EXOC6B: variants seen among roughly 807,000 people sequenced by gnomAD.
The protein encoded by EXOC6B is exocyst complex component 6B.
EXOC6B carries 54 observed loss-of-function variants against 113.5 expected under a neutral mutation model. The observed-to-expected ratio is 0.48, with a 90% CI of 0.38 to 0.60. EXOC6B has a LOEUF of 0.60. Among genes scored for constraint, EXOC6B ranks in the 20% least tolerant of loss-of-function variants. The pLI is 0.00. For synonymous variants in EXOC6B, 357 were observed against 339.0 expected (o/e 1.05, Z -0.58); for missense variants, 797 against 977.5 (o/e 0.82, Z 2.46).
chr2:72,568,511 T>C (rs1327524430), intron 7 of EXOC6B, among the ~76,000 whole-genome samples: 1 of 151,822 alleles, frequency 6.6e-6, no homozygotes, highest in African/African-American at 2.4e-5. Flanking sequence ...TGGCTCAGTT[T>C]TGGGAGAGAA....
rs772057696 is a variant in EXOC6B at position 72,825,936 on chromosome 2, C to G, written c.-26G>C. On this transcript the variant is annotated 5_prime_UTR_variant, in exon 1 of 22. Transcript: ENST00000272427. The surrounding 1 kb of genome is among the most constrained non-coding windows in gnomAD (Gnocchi z 4.4). Reference sequence around the variant, plus strand: ...AGACTGGGGGCGCCCCGCAGCGCGTCCCCTCCGTCGGCTCGGCTCACCTTT... The same window carrying G: ...AGACTGGGGGCGCCCCGCAGCGCGTGCCCTCCGTCGGCTCGGCTCACCTTT... 6.2e-7 allele frequency: 1 copy of G among 1,609,220 alleles called. No individual in the cohort carries two copies. Among genetic ancestry groups the G allele is most frequent in the Non-Finnish European group, 8.5e-7 (1 of 1,178,966 alleles).
intron 19 of EXOC6B, among the ~76,000 whole-genome samples, chr2:72,341,232 A>G (rs1689016750): frequency 6.6e-6 from 1 of 152,182 alleles, no homozygotes; most frequent in Non-Finnish European, 1.5e-5. Flanking sequence ...CATTGTGCCT[A>G]TAATGAACAA....
At chr2:72,757,269 A>T (rs1004928395) in intron 1 of EXOC6B, among the ~76,000 whole-genome samples, 3 of 152,236 alleles carry the variant, frequency 2.0e-5, no homozygotes, top group Non-Finnish European at 4.4e-5. Context: ...GTGGCGGTTA[A>T]CAATAACAAA....
chr2:72,317,559 T>TCACACACACACACACACACACA (rs72124979), intron 20 of EXOC6B, among the ~76,000 whole-genome samples: 17 of 140,686 alleles, frequency 1.2e-4, no homozygotes, highest in African/African-American at 4.3e-4. Context: ...TATGAACACA[T>TCACACACACACACACACACACA]CACACACACA....
intron 20 of EXOC6B, among the ~76,000 whole-genome samples, chr2:72,267,860 G>T (rs1295859114): frequency 1.3e-5 from 2 of 152,128 alleles, no homozygotes; most frequent in Non-Finnish European, 2.9e-5. Context: ...AATCTCATAT[G>T]CATCAAGACA....
At position 72,707,510 on chromosome 2, in the gene EXOC6B, T is replaced by A. The variant is rs574856564; in HGVS notation, c.669+10593A>T. 6.3e-4 allele frequency among the ~76,000 whole-genome samples: 95 copies of A among 151,586 alleles called. 2 individuals are homozygous for A. Among genetic ancestry groups the A allele is most frequent in the African/African-American group, 2.3e-3 (94 of 41,240 alleles). The stretch of plus-strand genomic sequence containing the variant: ...CTCACTGCAACCTCCGCCTCCCAGG[T>A]TCAAGCGATTCTCCTGCCTCAGCCT... On this transcript the variant is annotated intron_variant, in intron 6 of 21. Coordinates refer to ENST00000272427, the MANE Select transcript of EXOC6B (RefSeq NM_015189.3).
intron 18 of EXOC6B, among the ~76,000 whole-genome samples, chr2:72,416,242 C>A (rs757589583): frequency 2.0e-5 from 3 of 152,196 alleles, no homozygotes; most frequent in African/African-American, 7.2e-5. Context: ...AGAATTCTCT[C>A]ATCAAGAGAG....
chr2:72,589,394 A>G (rs986657793), intron 6 of EXOC6B, among the ~76,000 whole-genome samples: 2 of 151,992 alleles, frequency 1.3e-5, no homozygotes, highest in Non-Finnish European at 2.9e-5. Flanking sequence ...GGAAAAATTA[A>G]TTTATTTCAT....
intron 6 of EXOC6B, among the ~76,000 whole-genome samples, chr2:72,671,530 A>G (rs1024782534): frequency 6.6e-6 from 1 of 151,904 alleles, no homozygotes; most frequent in Non-Finnish European, 1.5e-5. Context: ...CCCCGTCTCT[A>G]CTAAAAAAAA....
chr2:72,452,517 G>A (rs1696978465), intron 18 of EXOC6B, among the ~76,000 whole-genome samples: 1 of 152,098 alleles, frequency 6.6e-6, no homozygotes, highest in Non-Finnish European at 1.5e-5. Flanking sequence ...GTGGGAAAAA[G>A]GGTGAACAGT....
rs75076852 is a variant in EXOC6B, at chr2:72,501,427, G to A, written c.1168-1455C>T. ...AGGTCCTCACCAGAAGCAGATGCTG[G>A]CACTATACTTCATGTACAGCCTGCA... On this transcript the variant is annotated intron_variant, in intron 11 of 21. Coordinates refer to ENST00000272427, the MANE Select transcript of EXOC6B (RefSeq NM_015189.3). Among the ~76,000 whole-genome samples, 190 of 152,148 alleles carry A rather than the reference G, an allele frequency of 1.2e-3. 1 individual carries two copies. Among genetic ancestry groups the A allele is most frequent in the African/African-American group, 4.4e-3 (184 of 41,508 alleles).
intron 19 of EXOC6B, among the ~76,000 whole-genome samples, chr2:72,365,748 A>T (rs899226486): frequency 2.0e-5 from 3 of 152,164 alleles, no homozygotes; most frequent in African/African-American, 4.8e-5. Context: ...AACCATTAGA[A>T]ATGAAAAGGA....
chr2:72,816,067 G>A (rs1686222941), intron 1 of EXOC6B, among the ~76,000 whole-genome samples: 1 of 152,212 alleles, frequency 6.6e-6, no homozygotes, highest in African/African-American at 2.4e-5. Flanking sequence ...GGTGAGGCAG[G>A]AGAATCGCTT....
In EXOC6B at chr2:72,405,878, A is replaced by G. The variant is rs1396094156; in HGVS notation, c.1981-26008T>C. Among the ~76,000 whole-genome samples, 7 of 152,230 alleles carry G rather than the reference A, an allele frequency of 4.6e-5. No individual in the cohort carries two copies. The East Asian group carries it at 1.3e-3, about 29-fold the overall frequency. On this transcript the variant is annotated intron_variant, in intron 18 of 21. Coordinates refer to ENST00000272427, the MANE Select transcript of EXOC6B (RefSeq NM_015189.3). ...TATTAACCTTAAATGTAAATGGGCT[A>G]AATGCTCCAATTAAAAGACACAGAC...
chr2:72,556,893 A>G (rs537348804), intron 8 of EXOC6B, among the ~76,000 whole-genome samples: 1 of 152,150 alleles, frequency 6.6e-6, no homozygotes, highest in South Asian at 2.1e-4. Flanking sequence ...GACATTTTAA[A>G]CATTCTAAAC....
intron 8 of EXOC6B, among the ~76,000 whole-genome samples, chr2:72,521,314 C>A (rs1701474416): frequency 6.6e-6 from 1 of 152,148 alleles, no homozygotes. Context: ...TTCTCAGCCT[C>A]CAGAATCCTA....
chr2:72,315,353 G>A (rs935047337), intron 20 of EXOC6B, among the ~76,000 whole-genome samples: 1 of 152,076 alleles, frequency 6.6e-6, no homozygotes, highest in African/African-American at 2.4e-5. Flanking sequence ...GTGTGTGTGT[G>A]TGTGTGTGAA....
At chr2:72,530,349 C>G (rs890699165) in intron 8 of EXOC6B, among the ~76,000 whole-genome samples, 1 of 152,154 alleles carries the variant, frequency 6.6e-6, no homozygotes, top group Non-Finnish European at 1.5e-5. Context: ...TCCTTTGAGA[C>G]TTCCTCTTAG....
At chr2:72,490,081 G>A (rs1439039164) in intron 16 of EXOC6B, among the ~76,000 whole-genome samples, 1 of 152,060 alleles carries the variant, frequency 6.6e-6, no homozygotes, top group Non-Finnish European at 1.5e-5. Flanking sequence ...AATTTTGTGG[G>A]CTTATCATAA....
Sources: gnomAD v4.1 joint callset for allele counts (sites outside exome capture counted in the v4.1 genomes callset) on GRCh38, gnomAD v4.1.1 for gene constraint, Gnocchi (gnomAD v3.1) non-coding constraint, MANE v1.5 for transcripts, NCBI Gene and HGNC (gene_info 2026-07-23, HGNC 2026-07-21) for gene names.